SETBP1: variants seen among roughly 807,000 people sequenced by gnomAD.
SETBP1 encodes the protein SET binding protein 1.
In SETBP1, 9 loss-of-function variants were observed where a neutral mutation model predicts 101.0. The ratio of observed to expected loss-of-function variants is 0.09; its 90% CI spans 0.05 to 0.16. The LOEUF (loss-of-function observed/expected upper bound fraction) is 0.16, where lower values mean the gene tolerates loss of function less well. Among genes scored for constraint, SETBP1 ranks in the 10% least tolerant of loss-of-function variants. The pLI is 1.00. For synonymous variants in SETBP1, 818 were observed against 788.5 expected, an observed-to-expected ratio of 1.04 and a Z score of -0.63; for missense variants, 1,858 against 2,033.8, an observed-to-expected ratio of 0.91 and a Z score of 1.66.
chr18:44,791,320 G>A (rs879127472), intron 2 of SETBP1, among the ~76,000 whole-genome samples: 11 of 152,144 alleles, frequency 7.2e-5, no homozygotes, highest in Non-Finnish European at 1.2e-4. Context: ...ACTGCATTTC[G>A]GAAAACCGTC....
chr18:44,912,136 T>G (rs1428420068), intron 3 of SETBP1, among the ~76,000 whole-genome samples: 1 of 151,940 alleles, frequency 6.6e-6, no homozygotes, highest in Non-Finnish European at 1.5e-5. Context: ...ATTATAAGAG[T>G]CTTTTTCTAG....
intron 2 of SETBP1, among the ~76,000 whole-genome samples, chr18:44,813,091 A>G (rs2071897587): frequency 6.6e-6 from 1 of 152,154 alleles, no homozygotes; most frequent in East Asian, 1.9e-4. Flanking sequence ...AAAAAGAAAG[A>G]AAGAAACCAA....
intron 3 of SETBP1, among the ~76,000 whole-genome samples, chr18:44,924,665 G>A (rs549214445): frequency 6.6e-6 from 1 of 152,200 alleles, no homozygotes; most frequent in South Asian, 2.1e-4. Context: ...ATATGGCAGA[G>A]GATGGGTTTA....
intron 2 of SETBP1, among the ~76,000 whole-genome samples, chr18:44,821,007 C>A (rs1314193354): frequency 6.6e-6 from 1 of 152,190 alleles, no homozygotes; most frequent in Non-Finnish European, 1.5e-5. Flanking sequence ...AGGTAAGGAT[C>A]TTGCTCCCCA....
chr18:44,940,738 T>A (rs2071069248), intron 3 of SETBP1, among the ~76,000 whole-genome samples: 1 of 152,220 alleles, frequency 6.6e-6, no homozygotes, highest in Admixed American at 6.5e-5. Flanking sequence ...CTTTAAGAAG[T>A]CACTTGTCTT....
At position 44,869,464 on chromosome 18, in the gene SETBP1, A is replaced by G. The variant is rs141084893; in HGVS notation, c.540+181A>G. 6.0e-4 allele frequency: 404 copies of G among 674,672 alleles called. 1 individual carries two copies. In the African/African-American group the frequency reaches 6.6e-3, roughly 11 times the overall value. The allele number at this position is 674,672 out of a possible 1,614,324, so 41.8% of individuals were successfully genotyped here. ...CTCCTCCAGCTCCTCTCATTCTAGC[A>G]TGGACAAAACCACCTCTTTCTGCTC... On this transcript the variant is annotated intron_variant, in intron 3 of 5. Transcript: ENST00000649279.
chr18:44,725,807 T>TC (rs1599037669), intron 2 of SETBP1, among the ~76,000 whole-genome samples: 2 of 151,224 alleles, frequency 1.3e-5, no homozygotes, highest in East Asian at 1.9e-4. Flanking sequence ...TCAACATACC[T>TC]CCCCCCTCCA....
chr18:45,011,725 G>A (rs1289182063), intron 4 of SETBP1, among the ~76,000 whole-genome samples: 1 of 152,206 alleles, frequency 6.6e-6, no homozygotes. Context: ...GCCCCTGCAT[G>A]TGCATTGGCT....
Position 45,065,503 on chromosome 18 carries a change from T to C in SETBP1, c.*1805T>C, listed in dbSNP as rs1244398473. ...TTACTTCCTTAGAGAGAGATGGATT[T>C]TTGTTGGCAACATAAAAGAATAAGT... On this transcript the variant is annotated 3_prime_UTR_variant, in exon 6 of 6. Coordinates refer to ENST00000649279, the MANE Select transcript of SETBP1 (RefSeq NM_015559.3). 6.6e-6 allele frequency: 1 copy of C among 152,244 alleles called. No individual in the cohort carries two copies. The highest frequency in any genetic ancestry group is 1.5e-5 in the Non-Finnish European group (1 of 68,034). The allele number at this position is 152,244 out of a possible 1,614,324, so 9.4% of individuals were successfully genotyped here.
chr18:44,791,377 T>A (rs192189042), intron 2 of SETBP1, among the ~76,000 whole-genome samples: 105 of 152,186 alleles, frequency 6.9e-4, no homozygotes, highest in African/African-American at 2.5e-3. Context: ...TGCAGGAAAA[T>A]TCTCTTACTG....
chr18:44,766,251 T>TAA (rs1339989675), intron 2 of SETBP1, among the ~76,000 whole-genome samples: 4 of 152,170 alleles, frequency 2.6e-5, no homozygotes, highest in Non-Finnish European at 5.9e-5. Context: ...GGACAACGGG[T>TAA]CATGGGGCTT....
intron 3 of SETBP1, among the ~76,000 whole-genome samples, chr18:44,926,898 T>C (rs1296857229): frequency 6.6e-6 from 1 of 151,854 alleles, no homozygotes; most frequent in Non-Finnish European, 1.5e-5. Flanking sequence ...TTGGGAGAGG[T>C]TCTATAGGTA....
chr18:45,034,996 G>GCT (rs1486862807), intron 4 of SETBP1, among the ~76,000 whole-genome samples: 3,074 of 150,684 alleles, frequency 0.02, 108 homozygotes, highest in African/African-American at 0.071. Context: ...CGTTTCAAAT[G>GCT]CCCCCCCCGC....
At chr18:45,035,267 G>A (rs1320820549) in intron 4 of SETBP1, among the ~76,000 whole-genome samples, 1 of 152,184 alleles carries the variant, frequency 6.6e-6, no homozygotes, top group Non-Finnish European at 1.5e-5. Context: ...AAAAATGGCT[G>A]AGAAAAATGT....
intron 4 of SETBP1, among the ~76,000 whole-genome samples, chr18:44,985,107 CT>C (rs2072202527): frequency 6.6e-6 from 1 of 152,194 alleles, no homozygotes; most frequent in Non-Finnish European, 1.5e-5. Flanking sequence ...TGCCATTGCA[CT>C]CCAGACTGGG....
chr18:45,021,570 A>G (rs2073069065), intron 4 of SETBP1, among the ~76,000 whole-genome samples: 1 of 152,248 alleles, frequency 6.6e-6, no homozygotes, highest in South Asian at 2.1e-4. Flanking sequence ...TGAGCATTAT[A>G]GGAAATTTGG....
At chr18:45,047,155 A>G (rs909076196) in intron 5 of SETBP1, among the ~76,000 whole-genome samples, 5 of 152,182 alleles carry the variant, frequency 3.3e-5, no homozygotes, top group African/African-American at 9.7e-5. Flanking sequence ...AGTATCATTC[A>G]CACCTCCATT....
intron 2 of SETBP1, among the ~76,000 whole-genome samples, chr18:44,822,176 A>G (rs1179670292): frequency 6.6e-6 from 1 of 152,208 alleles, no homozygotes. Flanking sequence ...TGTCTGATTT[A>G]GGGAGAATGT....
chr18:44,829,215 T>TA (rs146935067), intron 2 of SETBP1, among the ~76,000 whole-genome samples: 13,613 of 152,224 alleles, frequency 0.089, 847 homozygotes, highest in Non-Finnish European at 0.14. Flanking sequence ...GATTAGACGT[T>TA]AAAGTGTTAT....
Sources: gnomAD v4.1 joint callset for allele counts (sites outside exome capture counted in the v4.1 genomes callset) on GRCh38, gnomAD v4.1.1 for gene constraint, MANE v1.5 for transcripts, NCBI Gene and HGNC (gene_info 2026-07-23, HGNC 2026-07-21) for gene names.